The following DDX51 variants were observed in gnomAD, a reference collection of about 807,000 sequenced individuals.
DDX51 encodes the protein ATP-dependent RNA helicase DDX51.
Under a neutral mutation model 74.6 loss-of-function variants are expected in DDX51, and 67 were observed. The observed-to-expected ratio is 0.90, with a 90% CI of 0.74 to 1.10. DDX51 has a LOEUF of 1.10. DDX51 is among the 50% of genes least tolerant of loss of function. The pLI, the probability that DDX51 is intolerant of heterozygous loss-of-function variation, is 0.00. For synonymous variants in DDX51, 545 were observed against 402.9 expected, an observed-to-expected ratio of 1.35 and a Z score of -4.22; for missense variants, 1,056 against 905.2, an observed-to-expected ratio of 1.17 and a Z score of -2.14.
intron 2 of DDX51, chr12:132,143,419 A>G (rs1897557595): frequency 1.8e-6 from 1 of 554,574 alleles, no homozygotes; most frequent in Admixed American, 3.6e-5. Flanking sequence ...TGAGGCGGTG[A>G]GCGCACAGCA....
Position 132,141,124 on chromosome 12 carries a change from G to C in DDX51, c.1251-104C>G, listed in dbSNP as rs747592398. 1.7e-5 allele frequency: 25 copies of C among 1,496,540 alleles called. No homozygotes were observed. The African/African-American group carries it at 3.5e-4, about 21-fold the overall frequency. The allele number at this position is 1,496,540 out of a possible 1,614,324, so 92.7% of individuals were successfully genotyped here. The stretch of plus-strand genomic sequence containing the variant: ...GCACTGTAGAGACTGCCGCAGACCA[G>C]GAGCAAGGTGGGTCCAGCTCACGTG... On this transcript the variant is annotated intron_variant, in intron 8 of 14. Coordinates refer to ENST00000397333, the MANE Select transcript of DDX51 (RefSeq NM_175066.4).
At chr12:132,141,159 T>G in intron 8 of DDX51, 116 bp downstream of exon 8, 1 of 1,493,886 alleles carries the variant, frequency 6.7e-7, no homozygotes. Flanking sequence ...GACAGTACGA[T>G]GCGGTTCTGT....
At chr12:132,140,362 G>A (rs1897399283) in intron 11 of DDX51, 61 bp downstream of exon 11, 1 of 1,598,268 alleles carries the variant, frequency 6.3e-7, no homozygotes, top group Non-Finnish European at 8.6e-7. Context: ...GAGAGCCCCA[G>A]GCTGACCCTG....
At chr12:132,141,042 C>T (rs1216546304) in intron 8 of DDX51, 22 bp from the exon 9 acceptor site, 4 of 1,575,776 alleles carry the variant, frequency 2.5e-6, no homozygotes, top group Non-Finnish European at 3.4e-6. Flanking sequence ...GGGGGTGTTG[C>T]TGGCACCCTA....
rs1014763447 is a variant in DDX51 at position 132,141,005 on chromosome 12, C to T, written c.1266G>A (p.Gln422=). Residue 422 remains glutamine, a synonymous_variant, in exon 9 of 15, where the codon CAG becomes CAA. Coordinates refer to ENST00000397333, the MANE Select transcript of DDX51 (RefSeq NM_175066.4). ...AGAAGAGCAGCTTCTGCAGGGGCATCTGGGGACAGCAGGTGCTGGAAGAGA... is the reference window on the plus strand; with the variant it reads ...AGAAGAGCAGCTTCTGCAGGGGCATTTGGGGACAGCAGGTGCTGGAAGAGA... ...AVTAASTCCP[Q]MPLQKLLFSA... 2 of 1,596,308 alleles carry T rather than the reference C, an allele frequency of 1.3e-6. No homozygotes were observed. The highest frequency in any genetic ancestry group is 3.7e-5 in the Admixed American group (2 of 54,240).
chr12:132,143,975 G>C lies in DDX51; in HGVS notation c.304+18C>G, dbSNP rs1337188631. The C allele has an allele frequency of 9.8e-6, 14 of 1,427,216 alleles. No individual in the cohort carries two copies. Among genetic ancestry groups the C allele is most frequent in the Non-Finnish European group, 1.3e-5 (14 of 1,098,350 alleles). The allele number at this position is 1,427,216 out of a possible 1,614,324, so 88.4% of individuals were successfully genotyped here. On this transcript the variant is annotated intron_variant, in intron 1 of 14. Coordinates refer to ENST00000397333, the MANE Select transcript of DDX51 (RefSeq NM_175066.4). Reference sequence around the variant, plus strand: ...GTCGCCGGCGCCCCAGAGGGAGCCCGCTCGCCCCGCGGCCCACCTGCGCCC... The same window carrying C: ...GTCGCCGGCGCCCCAGAGGGAGCCCCCTCGCCCCGCGGCCCACCTGCGCCC...
chr12:132,139,292 G>T lies in DDX51; in HGVS notation c.1981C>A (p.Arg661Ser). ...CCAGCCTAGGCCGCCCTCTGCTTGC[G>T]CTCTTCCTGTGGAGGAAAGGGGAGG... is the stretch of plus-strand genomic sequence containing the variant. Reference protein sequence around the residue: ...SQLEESVKEERKQRAA With the variant: ...SQLEESVKEESKQRAA Residue 661 changes from arginine (R) to serine (S), a missense_variant, in exon 15 of 15, where the codon CGC becomes AGC. Physicochemically the swap from Arg to Ser is moderately radical, Grantham distance 110. Coordinates refer to ENST00000397333, the MANE Select transcript of DDX51 (RefSeq NM_175066.4). 6.2e-7 allele frequency: 1 copy of T among 1,608,622 alleles called. No individual in the cohort carries two copies.
chr12:132,141,750 G>A (rs1297120989), intron 6 of DDX51, 100 bp downstream of exon 6: 15 of 1,478,622 alleles, frequency 1.0e-5, no homozygotes, highest in African/African-American at 1.4e-5. Flanking sequence ...GGAACAGGTG[G>A]TTAAAGATGG....
chr12:132,143,611 A>T, intron 2 of DDX51, 84 bp downstream of exon 2: 1 of 1,496,410 alleles, frequency 6.7e-7, no homozygotes. Context: ...CGCTGAACGA[A>T]ATCTTCCGGG....
Position 132,141,128 on chromosome 12 carries a change from C to T in DDX51, c.1251-108G>A, listed in dbSNP as rs1897441684. ...TGTAGAGACTGCCGCAGACCAGGAG[C>T]AAGGTGGGTCCAGCTCACGTGACAG... On this transcript the variant is annotated intron_variant, in intron 8 of 14. Coordinates refer to ENST00000397333, the MANE Select transcript of DDX51 (RefSeq NM_175066.4). 6.0e-6 allele frequency: 9 copies of T among 1,497,024 alleles called. No homozygotes were observed. The Admixed American group carries it at 2.0e-4, about 33-fold the overall frequency. The allele number at this position is 1,497,024 out of a possible 1,614,324, so 92.7% of individuals were successfully genotyped here.
chr12:132,140,117 G>C lies in DDX51; in HGVS notation c.1756C>G (p.Leu586Val), dbSNP rs761234659. The change falls in exon 12 of 15, where the codon CTG becomes GTG. Residue 586 changes from leucine to valine, a missense_variant. Transcript: ENST00000397333. ...GCTCACCGGTGCACGTAGGTTCTCA[G>C]GTACTGGGGGGCGTCGTAGTTCACC... The part of the protein sequence containing the change: ...LVVNYDAPQY[L>V]RTYVHRVGRT... 1 of 1,612,854 alleles carries C rather than the reference G, an allele frequency of 6.2e-7. No individual in the cohort carries two copies. The highest frequency in any genetic ancestry group is 8.5e-7 in the Non-Finnish European group (1 of 1,179,968).
Position 132,140,162 on chromosome 12 carries a change from C to T in DDX51, c.1711G>A (p.Val571Met), listed in dbSNP as rs371856587. The T allele has an allele frequency of 3.7e-5, 60 of 1,612,898 alleles. 1 individual carries two copies. The East Asian group carries it at 5.6e-4, about 15-fold the overall frequency. ...TTCACCACCAGCTCCACACCCTGCA[C>T]GTCGATGCCTCGCGCGGTGGCGTCC... ...STDATARGID[V>M]QGVELVVNYD... Residue 571 changes from valine to methionine, a missense_variant, in exon 12 of 15, where the codon GTG becomes ATG. Transcript: ENST00000397333.
At chr12:132,139,955 G>A (rs1343046505) in intron 12 of DDX51, 31 bp from the exon 13 acceptor site, 2 of 1,612,552 alleles carry the variant, frequency 1.2e-6, no homozygotes, top group South Asian at 1.1e-5. Flanking sequence ...CTCCAGACTG[G>A]CCCCTGAGCC....
chr12:132,139,561 C>T, intron 14 of DDX51, 74 bp downstream of exon 14: 1 of 1,611,556 alleles, frequency 6.2e-7, no homozygotes, highest in Non-Finnish European at 8.5e-7. Flanking sequence ...CCTCTTTTCT[C>T]CACGTGTGGT....
chr12:132,142,699 C>T, intron 3 of DDX51, 29 bp downstream of exon 3: 1 of 1,610,166 alleles, frequency 6.2e-7, no homozygotes, highest in South Asian at 1.1e-5. Flanking sequence ...GGAGGTGTTC[C>T]CTCAGCTGCC....
chr12:132,143,355 C>T, intron 2 of DDX51: 1 of 483,922 alleles, frequency 2.1e-6, no homozygotes, highest in Non-Finnish European at 3.7e-6. Flanking sequence ...ACCACACGTG[C>T]TAAGCAAAAA....
intron 2 of DDX51, chr12:132,143,421 C>T: frequency 1.8e-6 from 1 of 557,038 alleles, no homozygotes; most frequent in Non-Finnish European, 3.1e-6. Context: ...AGGCGGTGAG[C>T]GCACAGCAGG....
chr12:132,140,568 G>A, intron 10 of DDX51, 29 bp from the exon 11 acceptor site: 1 of 1,612,832 alleles, frequency 6.2e-7, no homozygotes, highest in Non-Finnish European at 8.5e-7. Context: ...GCGGCCAAGT[G>A]ATGCTGGGAC....
At position 132,140,098 on chromosome 12, in the gene DDX51, C is replaced by T. The variant is rs775367770; in HGVS notation, c.1775G>A (p.Arg592Gln). The change falls in exon 12 of 15, where the codon CGG becomes CAG. Residue 592 changes from arginine (R) to glutamine (Q), a missense_variant and splice_region_variant. Physicochemically the swap from Arg to Gln is conservative, Grantham distance 43 (BLOSUM62 1). Coordinates refer to ENST00000397333, the MANE Select transcript of DDX51 (RefSeq NM_175066.4). ...APQYLRTYVH[R>Q]VGRTARAGKT... ...CAGTGGCCGCTGCGCCAGCGCTCAC[C>T]GGTGCACGTAGGTTCTCAGGTACTG... 1.2e-5 allele frequency: 20 copies of T among 1,612,414 alleles called. No individual in the cohort carries two copies. In the Admixed American group the frequency reaches 2.3e-4, roughly 19 times the overall value.
Sources: allele counts gnomAD v4.1 joint callset, GRCh38; gene constraint gnomAD v4.1.1; transcripts MANE v1.5; gene names NCBI Gene and HGNC (gene_info 2026-07-23, HGNC 2026-07-21).